The following MSRB3 variants were observed in gnomAD, a reference collection of about 807,000 sequenced individuals.
MSRB3 encodes methionine sulfoxide reductase B3, also known as methionine-R-sulfoxide reductase B3.
A neutral mutation model predicts 21.0 loss-of-function variants in MSRB3; 13 were observed. That is an observed-to-expected ratio of 0.62 (90% confidence interval 0.40 to 0.98). The LOEUF (loss-of-function observed/expected upper bound fraction) is 0.98, where lower values mean the gene tolerates loss of function less well. Among genes scored for constraint, MSRB3 ranks in the 50% least tolerant of loss-of-function variants. MSRB3 has a pLI of 0.00. For missense variants in MSRB3, 199 were observed against 230.3 expected, an observed-to-expected ratio of 0.86 and a Z score of 0.88; for synonymous variants, 87 against 88.6, an observed-to-expected ratio of 0.98 and a Z score of 0.10.
At position 65,308,597 on chromosome 12, in the gene MSRB3, G is replaced by A; in HGVS notation, c.18G>A (p.Leu6=). 5.0e-6 allele frequency: 8 copies of A among 1,613,964 alleles called. No homozygotes were observed. Among genetic ancestry groups the A allele is most frequent in the South Asian group, 1.1e-5 (1 of 91,084 alleles). ...TCACAGTGATGTCTGCATTCAACCT[G>A]CTGCATTTGGTGACAAAGAGCCAGC... The part of the protein sequence containing the change: MSAFN[L]LHLVTKSQPV... The change falls in exon 2 of 7, where the codon CTG becomes CTA. Residue 6 remains leucine (L), a synonymous_variant. Coordinates refer to ENST00000308259, the MANE Select transcript of MSRB3 (RefSeq NM_001031679.3).
chr12:65,361,015 G>A (rs1276853270), intron 4 of MSRB3, among the ~76,000 whole-genome samples: 2 of 151,786 alleles, frequency 1.3e-5, no homozygotes, highest in African/African-American at 4.8e-5. Context: ...CCATATTAAA[G>A]TTTCGCCTCA....
At chr12:65,340,974 A>G (rs1235355196) in intron 4 of MSRB3, among the ~76,000 whole-genome samples, 1 of 152,146 alleles carries the variant, frequency 6.6e-6, no homozygotes. Flanking sequence ...AACTGTATCA[A>G]TTAAAGAAAA....
intron 5 of MSRB3, among the ~76,000 whole-genome samples, chr12:65,424,182 C>G (rs1881461448): frequency 1.3e-5 from 2 of 151,312 alleles, no homozygotes; most frequent in South Asian, 4.2e-4. Context: ...GTAATACCTC[C>G]TTTTTCATTT....
chr12:65,439,089 G>C (rs1246253568), intron 5 of MSRB3, among the ~76,000 whole-genome samples: 1 of 151,670 alleles, frequency 6.6e-6, no homozygotes, highest in Non-Finnish European at 1.5e-5. Context: ...AAGCTTTATG[G>C]TTAAAACATA....
At chr12:65,459,164 A>G (rs1239810287) in intron 6 of MSRB3, among the ~76,000 whole-genome samples, 7 of 152,172 alleles carry the variant, frequency 4.6e-5, no homozygotes, top group African/African-American at 1.4e-4. Context: ...GTTGGAGTCT[A>G]TTTATGAGTG....
intron 5 of MSRB3, among the ~76,000 whole-genome samples, chr12:65,444,045 A>T (rs183223930): frequency 2.4e-4 from 37 of 152,254 alleles, no homozygotes; most frequent in African/African-American, 8.2e-4. Flanking sequence ...CTTGGTGTTG[A>T]AGTTGTAGTA....
rs1279905269 is a variant in MSRB3 at position 65,466,474 on chromosome 12, C to T, written c.*3152C>T. On this transcript the variant is annotated 3_prime_UTR_variant, in exon 7 of 7. Coordinates refer to ENST00000308259, the MANE Select transcript of MSRB3 (RefSeq NM_001031679.3). The stretch of plus-strand genomic sequence containing the variant: ...ACATAGGAAGTGCATGGGACTTTCC[C>T]TCTCTGCACTCCAGCTCTTACTGTA... 6.6e-6 allele frequency: 1 copy of T among 152,110 alleles called. No individual in the cohort carries two copies. The highest frequency in any genetic ancestry group is 1.5e-5 in the Non-Finnish European group (1 of 68,024). 9.4% of individuals were successfully genotyped at this position (152,110 alleles called of 1,614,324 possible).
intron 5 of MSRB3, among the ~76,000 whole-genome samples, chr12:65,449,715 A>G (rs1044003962): frequency 6.6e-6 from 1 of 152,234 alleles, no homozygotes; most frequent in African/African-American, 2.4e-5. Flanking sequence ...TTGATGAGTC[A>G]TGTAGCTGAC....
chr12:65,365,247 T>G (rs1316093212), intron 4 of MSRB3, among the ~76,000 whole-genome samples: 1 of 152,182 alleles, frequency 6.6e-6, no homozygotes, highest in Non-Finnish European at 1.5e-5. Context: ...AGCATGAGGA[T>G]GCATGAGACC....
chr12:65,407,499 T>A (rs1195609235), intron 5 of MSRB3, among the ~76,000 whole-genome samples: 1 of 152,210 alleles, frequency 6.6e-6, no homozygotes, highest in Non-Finnish European at 1.5e-5. Context: ...CTTGGATTTC[T>A]GCAATTTGAA....
intron 4 of MSRB3, among the ~76,000 whole-genome samples, chr12:65,361,167 C>A: frequency 6.6e-6 from 1 of 152,032 alleles, no homozygotes; most frequent in Non-Finnish European, 1.5e-5. Flanking sequence ...CACTTAGCAT[C>A]ATTGTTTCGA....
At chr12:65,400,100 G>A (rs1592601024) in intron 5 of MSRB3, among the ~76,000 whole-genome samples, 1 of 152,274 alleles carries the variant, frequency 6.6e-6, no homozygotes, top group East Asian at 1.9e-4. Flanking sequence ...TTGGTATGAG[G>A]ATGATGCTGG....
At chr12:65,315,546 T>A (rs1263203255) in intron 2 of MSRB3, among the ~76,000 whole-genome samples, 1 of 151,818 alleles carries the variant, frequency 6.6e-6, no homozygotes, top group Non-Finnish European at 1.5e-5. Flanking sequence ...GGTGCGCCTG[T>A]AATCCCAGCT....
chr12:65,333,696 C>A (rs73318479), intron 4 of MSRB3, among the ~76,000 whole-genome samples: 131 of 152,290 alleles, frequency 8.6e-4, no homozygotes, highest in African/African-American at 2.9e-3. Context: ...CTAGTGTGAA[C>A]GTGAATGTCC....
At position 65,407,078 on chromosome 12, in the gene MSRB3, C is replaced by G. The variant is rs897674398; in HGVS notation, c.292+38052C>G. On this transcript the variant is annotated intron_variant, in intron 5 of 6. Coordinates refer to ENST00000308259, the MANE Select transcript of MSRB3 (RefSeq NM_001031679.3). Reference sequence around the variant, plus strand: ...GAATGGGCTAAGACACTATACTAATCAAAACATCATAGTACTAGCATAAAA... The same window carrying G: ...GAATGGGCTAAGACACTATACTAATGAAAACATCATAGTACTAGCATAAAA... Among the ~76,000 whole-genome samples the G allele has an allele frequency of 6.6e-5, 10 of 152,236 alleles. No individual in the cohort carries two copies. The South Asian group carries it at 1.2e-3, about 19-fold the overall frequency.
At chr12:65,408,906 T>A (rs978317776) in intron 5 of MSRB3, among the ~76,000 whole-genome samples, 2 of 152,082 alleles carry the variant, frequency 1.3e-5, no homozygotes, top group South Asian at 2.1e-4. Flanking sequence ...ATCATCTGGG[T>A]GTATTTAAAA....
At chr12:65,323,658 A>G (rs916539500) in intron 2 of MSRB3, among the ~76,000 whole-genome samples, 1 of 152,224 alleles carries the variant, frequency 6.6e-6, no homozygotes, top group Admixed American at 6.5e-5. Context: ...GAAGATAGTA[A>G]AGGGAAACCA....
chr12:65,292,442 G>GTCA (rs373202589), intron 1 of MSRB3, among the ~76,000 whole-genome samples: 22 of 151,850 alleles, frequency 1.4e-4, no homozygotes, highest in South Asian at 1.0e-3. Context: ...CATTGTCATC[G>GTCA]TCATCATCAT....
At chr12:65,387,119 T>C (rs1879232641) in intron 5 of MSRB3, among the ~76,000 whole-genome samples, 1 of 151,946 alleles carries the variant, frequency 6.6e-6, no homozygotes, top group Non-Finnish European at 1.5e-5. Flanking sequence ...GGGAGTAAGT[T>C]TGACACAGCA....
Sources: allele counts gnomAD v4.1 joint callset (sites outside exome capture counted in the v4.1 genomes callset), GRCh38; gene constraint gnomAD v4.1.1; transcripts MANE v1.5; gene names NCBI Gene and HGNC (gene_info 2026-07-23, HGNC 2026-07-21).